PHF24: variants seen among roughly 807,000 people sequenced by gnomAD.
PHF24 encodes the protein PHD finger protein 24, also known as Galpha inhibitory interacting protein.
Under a neutral mutation model 42.6 loss-of-function variants are expected in PHF24, and 25 were observed. The ratio of observed to expected loss-of-function variants is 0.59; its 90% CI spans 0.43 to 0.82. PHF24 has a LOEUF of 0.82. PHF24 is among the 40% of genes least tolerant of loss of function. PHF24 has a pLI of 0.00. For missense variants in PHF24, 470 were observed against 538.1 expected (o/e 0.87, Z 1.25); for synonymous variants, 185 against 204.8 (o/e 0.90, Z 0.83).
chr9:34,715,305 G>A, the PHF24 span, among the ~76,000 whole-genome samples: 16 of 152,172 alleles, frequency 1.1e-4, no homozygotes, highest in East Asian at 1.5e-3. Flanking sequence ...TGAGGAGCTC[G>A]GATGATGAGA....
At chr9:34,859,879 A>G in the PHF24 span, among the ~76,000 whole-genome samples, 1 of 151,952 alleles carries the variant, frequency 6.6e-6, no homozygotes, top group Non-Finnish European at 1.5e-5. Flanking sequence ...TTATACCCTT[A>G]TATTTTTCAA....
the PHF24 span, among the ~76,000 whole-genome samples, chr9:34,823,990 C>T: frequency 1.4e-4 from 22 of 152,196 alleles, no homozygotes; most frequent in African/African-American, 4.8e-4. Context: ...CTGGAGTAGA[C>T]GTCCTAGGTT....
the PHF24 span, among the ~76,000 whole-genome samples, chr9:34,930,433 C>A: frequency 1.3e-5 from 2 of 152,136 alleles, no homozygotes; most frequent in Non-Finnish European, 2.9e-5. Flanking sequence ...AAGGAGGCAC[C>A]CAGAATCCTG....
the PHF24 span, among the ~76,000 whole-genome samples, chr9:34,736,319 T>C: frequency 1.3e-5 from 2 of 151,832 alleles, no homozygotes; most frequent in African/African-American, 4.8e-5. Context: ...AAAAACAACT[T>C]TTTTTTTGAG....
At chr9:34,931,293 A>G in the PHF24 span, among the ~76,000 whole-genome samples, 2 of 150,720 alleles carry the variant, frequency 1.3e-5, no homozygotes, top group East Asian at 3.9e-4. Context: ...GGAGAATGGC[A>G]TGAACCCGAG....
At chr9:34,978,138 G>A in exon 8 of PHF24, 1 of 1,530,676 alleles carries the variant, frequency 6.5e-7, no homozygotes, top group Non-Finnish European at 9.1e-7. Flanking sequence ...TCGGTTTGAG[G>A]ACAGTGACAT....
At chr9:34,891,395 A>G in the PHF24 span, among the ~76,000 whole-genome samples, 2,393 of 152,304 alleles carry the variant, frequency 0.016, 41 homozygotes, top group South Asian at 0.067. Context: ...TTTGTAATCT[A>G]TGTGGCTCTG....
the PHF24 span, among the ~76,000 whole-genome samples, chr9:34,945,109 T>A: frequency 6.6e-6 from 1 of 152,112 alleles, no homozygotes; most frequent in South Asian, 2.1e-4. Flanking sequence ...GCAAAGGCAA[T>A]CCTTTCAATC....
chr9:34,769,788 A>G, the PHF24 span, among the ~76,000 whole-genome samples: 1 of 152,224 alleles, frequency 6.6e-6, no homozygotes, highest in Non-Finnish European at 1.5e-5. Flanking sequence ...GAGAGGTAGC[A>G]TCTCAAATCA....
chr9:34,860,065 C>T, the PHF24 span, among the ~76,000 whole-genome samples: 292 of 152,306 alleles, frequency 1.9e-3, no homozygotes, highest in African/African-American at 6.5e-3. Context: ...CCTTCTGTGA[C>T]TTGCACCTCC....
At chr9:34,870,075 G>A in the PHF24 span, among the ~76,000 whole-genome samples, 10 of 151,922 alleles carry the variant, frequency 6.6e-5, no homozygotes, top group Admixed American at 5.3e-4. Context: ...TTTTAGAGCA[G>A]TTTTAGGTTC....
At chr9:34,707,335 G>A in the PHF24 span, among the ~76,000 whole-genome samples, 3 of 152,204 alleles carry the variant, frequency 2.0e-5, no homozygotes, top group Non-Finnish European at 2.9e-5. Context: ...TAGGAGGCAG[G>A]TAGGAGGCCT....
At chr9:34,815,136 C>T in the PHF24 span, among the ~76,000 whole-genome samples, 1 of 152,222 alleles carries the variant, frequency 6.6e-6, no homozygotes, top group Admixed American at 6.5e-5. Flanking sequence ...AGCAACATCT[C>T]TTTTAATCAA....
chr9:34,914,504 C>T, the PHF24 span, among the ~76,000 whole-genome samples: 1 of 152,034 alleles, frequency 6.6e-6, no homozygotes, highest in Non-Finnish European at 1.5e-5. Flanking sequence ...TATCTATCGT[C>T]TTCTCTTATA....
the PHF24 span, among the ~76,000 whole-genome samples, chr9:34,760,445 G>C: frequency 1.3e-5 from 2 of 152,222 alleles, no homozygotes; most frequent in African/African-American, 2.4e-5. Context: ...CGGGGACAGA[G>C]GTGCATAGTT....
chr9:34,716,316 G>A, the PHF24 span, among the ~76,000 whole-genome samples: 1 of 152,188 alleles, frequency 6.6e-6, no homozygotes, highest in Non-Finnish European at 1.5e-5. Context: ...AATTGGATAG[G>A]GCTGGAATCA....
chr9:34,740,231 G>C, the PHF24 span, among the ~76,000 whole-genome samples: 2 of 152,338 alleles, frequency 1.3e-5, no homozygotes, highest in East Asian at 3.9e-4. Flanking sequence ...CCGGCCGTGC[G>C]CCCGCACTCC....
the PHF24 span, among the ~76,000 whole-genome samples, chr9:34,882,813 C>T: frequency 6.6e-6 from 1 of 152,098 alleles, no homozygotes; most frequent in African/African-American, 2.4e-5. Flanking sequence ...GATTCAATGC[C>T]ATCCCCATCA....
At chr9:34,706,466 A>G in the PHF24 span, among the ~76,000 whole-genome samples, 1 of 152,214 alleles carries the variant, frequency 6.6e-6, no homozygotes, top group Non-Finnish European at 1.5e-5. Context: ...ACCTTTTGGT[A>G]CTTTTGGATA....
Sources: gnomAD v4.1 joint callset for allele counts (sites outside exome capture counted in the v4.1 genomes callset) on GRCh38, gnomAD v4.1.1 for gene constraint, MANE v1.5 for transcripts, NCBI Gene and HGNC (gene_info 2026-07-23, HGNC 2026-07-21) for gene names.